Variants in CLIP4 observed in about 807,000 individuals in gnomAD.
The protein encoded by CLIP4 is CAP-Gly domain-containing linker protein 4.
In CLIP4, 47 loss-of-function variants were observed where a neutral mutation model predicts 73.1. The observed-to-expected ratio is 0.64, with a 90% CI of 0.51 to 0.82. CLIP4 has a LOEUF of 0.82. Ranked by LOEUF, CLIP4 falls within the 40% of genes least tolerant of loss-of-function variation. The probability of loss-of-function intolerance (pLI) is 0.00; values close to 1 mark genes in which losing one functional copy is unlikely to be tolerated. For missense variants in CLIP4, 874 were observed against 852.9 expected, an observed-to-expected ratio of 1.02 and a Z score of -0.31; for synonymous variants, 306 against 295.4, an observed-to-expected ratio of 1.04 and a Z score of -0.37.
In CLIP4 at chr2:29,145,432, AGTT is replaced by A. The variant is rs1355926795; in HGVS notation, c.1021+69_1021+71del. ...AAATAATCAAGTTTTACTCTTTTAC[AGTT>A]GTTAAATAAAACTTTTCTCCTGATT... On this transcript the variant is annotated intron_variant, in intron 8 of 15. Transcript: ENST00000320081. 5 of 1,361,788 alleles carry A rather than the reference AGTT, an allele frequency of 3.7e-6. No homozygotes were observed. The East Asian group carries it at 1.2e-4, about 32-fold the overall frequency. The allele number at this position is 1,361,788 out of a possible 1,614,324, so 84.4% of individuals were successfully genotyped here.
At chr2:29,145,784 C>T (rs1432213225) in intron 8 of CLIP4, among the ~76,000 whole-genome samples, 2 of 152,162 alleles carry the variant, frequency 1.3e-5, no homozygotes, top group African/African-American at 4.8e-5. Flanking sequence ...CAGGTTCAAG[C>T]GATTCTCCTG....
intron 1 of CLIP4, among the ~76,000 whole-genome samples, chr2:29,107,856 G>C (rs1357254923): frequency 6.6e-6 from 1 of 152,114 alleles, no homozygotes; most frequent in Admixed American, 6.5e-5. Context: ...CTGACTCTGA[G>C]ACTGAAATCT....
At chr2:29,171,000 G>A (rs1269020583) in intron 14 of CLIP4, among the ~76,000 whole-genome samples, 1 of 152,028 alleles carries the variant, frequency 6.6e-6, no homozygotes, top group Non-Finnish European at 1.5e-5. Flanking sequence ...GATTACTGTA[G>A]CTTTATAGTA....
chr2:29,163,771 G>A, intron 12 of CLIP4, 60 bp from the exon 13 acceptor site: 2 of 1,522,028 alleles, frequency 1.3e-6, no homozygotes, highest in East Asian at 2.3e-5. Context: ...GTTTTGTATA[G>A]TAGCATAAGA....
Position 29,145,251 on chromosome 2 carries a change from GTGGAA to G in CLIP4, c.906_910del (p.Gly303AsnfsTer2). The G allele has an allele frequency of 6.2e-7, 1 of 1,613,460 alleles. No individual in the cohort carries two copies. The highest frequency in any genetic ancestry group is 2.2e-5 in the East Asian group (1 of 44,846). On this transcript the variant is annotated frameshift_variant, in exon 8 of 16. Coordinates refer to ENST00000320081, the MANE Select transcript of CLIP4 (RefSeq NM_024692.6). LOFTEE classifies it high-confidence loss of function. The stretch of plus-strand genomic sequence containing the variant: ...CTTTAGGTTGGTACATTAAGATTTT[GTGGAA>G]CAACTGAATTTGCAAGTGGGCAGTG...
chr2:29,160,222 G>A, intron 11 of CLIP4, 111 bp from the exon 12 acceptor site: 1 of 1,340,670 alleles, frequency 7.5e-7, no homozygotes, highest in Non-Finnish European at 1.1e-6. Flanking sequence ...AACTAGACTA[G>A]TTAGAATACC....
At chr2:29,180,615 T>C (rs1356310977) in intron 15 of CLIP4, among the ~76,000 whole-genome samples, 3 of 152,164 alleles carry the variant, frequency 2.0e-5, no homozygotes, top group African/African-American at 7.2e-5. Flanking sequence ...GTTTTTAAAA[T>C]TTGTTTGCAT....
At position 29,127,172 on chromosome 2, in the gene CLIP4, A is replaced by AT. The variant is rs371072585; in HGVS notation, c.134-4085dup. On this transcript the variant is annotated intron_variant, in intron 2 of 15. Coordinates refer to ENST00000320081, the MANE Select transcript of CLIP4 (RefSeq NM_024692.6). ...TGCCATTCCAGTCAGAGGTTTGATA[A>AT]TATCTAAGGGGCTTTATTGGTTTTG... 3.7e-3 allele frequency among the ~76,000 whole-genome samples: 564 copies of AT among 152,230 alleles called. 7 individuals are homozygous for AT. Among genetic ancestry groups the AT allele is most frequent in the African/African-American group, 0.012 (518 of 41,536 alleles).
intron 14 of CLIP4, among the ~76,000 whole-genome samples, chr2:29,169,427 G>A (rs1667860475): frequency 6.6e-6 from 1 of 151,598 alleles, no homozygotes. Flanking sequence ...GCCTATCCAT[G>A]TGACCTCATT....
intron 14 of CLIP4, among the ~76,000 whole-genome samples, chr2:29,170,225 C>T (rs1321697994): frequency 6.6e-6 from 1 of 152,158 alleles, no homozygotes; most frequent in Non-Finnish European, 1.5e-5. Context: ...CATGAGAGTG[C>T]AGCTATCTCT....
chr2:29,159,296 T>G (rs138349028), intron 11 of CLIP4, among the ~76,000 whole-genome samples: 3 of 152,252 alleles, frequency 2.0e-5, no homozygotes, highest in African/African-American at 7.2e-5. Flanking sequence ...CCTCCAGAGT[T>G]CTCTACTCCC....
rs1665294922 is a variant in CLIP4 at position 29,135,599 on chromosome 2, C to T, written c.581C>T (p.Ala194Val). Reference protein sequence around the residue: ...DFNFGTALHIAAYNLCAGAVK... With the variant: ...DFNFGTALHIVAYNLCAGAVK... The stretch of plus-strand genomic sequence containing the variant: ...AATTTTGGAACAGCTTTGCATATTG[C>T]AGCATACAACTTGTGTGCAGGTGCT... Residue 194 changes from alanine (A) to valine (V), a missense_variant, in exon 6 of 16, where the codon GCA becomes GTA. Ala to Val is a moderately conservative substitution (Grantham distance 64, BLOSUM62 0). Transcript: ENST00000320081. 6.2e-7 allele frequency: 1 copy of T among 1,611,006 alleles called. No homozygotes were observed. Among genetic ancestry groups the T allele is most frequent in the Non-Finnish European group, 8.5e-7 (1 of 1,178,834 alleles).
intron 15 of CLIP4, among the ~76,000 whole-genome samples, chr2:29,177,617 G>T (rs146092675): frequency 1.3e-5 from 2 of 151,830 alleles, no homozygotes; most frequent in African/African-American, 2.4e-5. Flanking sequence ...CTCAGATGAC[G>T]ATCTCTGCGT....
chr2:29,126,347 G>A (rs1413887217), intron 2 of CLIP4, among the ~76,000 whole-genome samples: 2 of 151,986 alleles, frequency 1.3e-5, no homozygotes, highest in African/African-American at 4.8e-5. Flanking sequence ...TCTCATTCTG[G>A]GTTATTCTGG....
At chr2:29,118,004 T>G (rs1663985757) in intron 1 of CLIP4, among the ~76,000 whole-genome samples, 1 of 152,252 alleles carries the variant, frequency 6.6e-6, no homozygotes, top group Non-Finnish European at 1.5e-5. Context: ...TTTAGTAGAT[T>G]GTACAGATGT....
Position 29,107,358 on chromosome 2 carries a change from G to GTTTTTT in CLIP4, c.-16+9437_-16+9442dup, listed in dbSNP as rs796180363. Among the ~76,000 whole-genome samples, 380 of 65,328 alleles carry GTTTTTT rather than the reference G, an allele frequency of 5.8e-3. 61 individuals carry two copies. Among genetic ancestry groups the GTTTTTT allele is most frequent in the East Asian group, 0.026 (43 of 1,654 alleles). 42.9% of individuals were successfully genotyped at this position (65,328 alleles called of 152,430 possible). A position where few individuals can be genotyped will look rare whatever the true frequency, so the allele number is the denominator to read the frequency against. ...ATTTCTAAATTCCTGGAACATGATA[G>GTTTTTT]TTTTTTTTTTTTTTTTTTTTTTTTT... On this transcript the variant is annotated intron_variant, in intron 1 of 14. Transcript: ENST00000401605.
intron 6 of CLIP4, among the ~76,000 whole-genome samples, chr2:29,137,720 G>A (rs1239202530): frequency 1.1e-4 from 17 of 152,258 alleles, no homozygotes; most frequent in East Asian, 1.9e-4. Context: ...TCTGACTGGT[G>A]TGAGATAGTC....
At chr2:29,145,466 T>C in intron 8 of CLIP4, 99 bp downstream of exon 8, 1 of 982,652 alleles carries the variant, frequency 1.0e-6, no homozygotes, top group Non-Finnish European at 1.5e-6. Context: ...TGATTTCTTA[T>C]GTGATAAATG....
chr2:29,143,988 T>C, intron 7 of CLIP4, 43 bp downstream of exon 7: 7 of 1,526,184 alleles, frequency 4.6e-6, no homozygotes, highest in Non-Finnish European at 6.3e-6. Context: ...GGTTGTTATG[T>C]CCATGACCTA....
Sources: allele counts gnomAD v4.1 joint callset (sites outside exome capture counted in the v4.1 genomes callset), GRCh38; gene constraint gnomAD v4.1.1; transcripts MANE v1.5; gene names NCBI Gene and HGNC (gene_info 2026-07-23, HGNC 2026-07-21).